Variants in AXDND1 observed in about 807,000 individuals in gnomAD.
AXDND1 encodes the protein axonemal dynein light chain domain containing 1.
AXDND1 carries 110 observed loss-of-function variants against 137.5 expected under a neutral mutation model. The ratio of observed to expected loss-of-function variants is 0.80; its 90% CI spans 0.69 to 0.94. The LOEUF is 0.94. Ranked by LOEUF, AXDND1 falls within the 40% of genes least tolerant of loss-of-function variation. The pLI is 0.00. For missense variants in AXDND1, 1,191 were observed against 1,169.8 expected (o/e 1.02, Z -0.26); for synonymous variants, 414 against 399.7 (o/e 1.04, Z -0.43).
intron 4 of AXDND1, among the ~76,000 whole-genome samples, chr1:179,373,502 A>G (rs1023642649): frequency 1.3e-5 from 2 of 152,236 alleles, no homozygotes; most frequent in African/African-American, 4.8e-5. Flanking sequence ...GAACCAAAAA[A>G]GAGCCCACAG....
In AXDND1 at chr1:179,488,632, CTCCTTTCT is replaced by C. The variant is rs1192986864; in HGVS notation, c.2092-2904_2092-2897del. Among the ~76,000 whole-genome samples the C allele has an allele frequency of 8.7e-4, 55 of 63,162 alleles. 9 individuals are homozygous for C. The highest frequency in any genetic ancestry group is 3.3e-3 in the African/African-American group (54 of 16,482). The allele number at this position is 63,162 out of a possible 152,430, so 41.4% of individuals were successfully genotyped here. A position where few individuals can be genotyped will look rare whatever the true frequency, so the allele number is the denominator to read the frequency against. On this transcript the variant is annotated intron_variant, in intron 18 of 25. Transcript: ENST00000367618. Reference sequence around the variant, plus strand: ...TCTTTCTTTCTTTCTCTCTCTCTCTCTCCTTTCTTTCTTTCTTTCTTTCTTTCTTTCTT... The same window carrying C: ...TCTTTCTTTCTTTCTCTCTCTCTCTCTTCTTTCTTTCTTTCTTTCTTTCTT...
intron 16 of AXDND1, among the ~76,000 whole-genome samples, chr1:179,467,055 C>T (rs72719292): frequency 0.063 from 9,569 of 152,118 alleles, 362 homozygotes; most frequent in African/African-American, 0.071. Context: ...GTCCACCACC[C>T]GACCCCTGAG....
chr1:179,426,114 A>G (rs1349511701), intron 12 of AXDND1, among the ~76,000 whole-genome samples: 1 of 152,038 alleles, frequency 6.6e-6, no homozygotes, highest in Non-Finnish European at 1.5e-5. Flanking sequence ...GGATTATAGG[A>G]CTGAGCCACT....
intron 17 of AXDND1, among the ~76,000 whole-genome samples, chr1:179,474,361 T>C (rs865887834): frequency 6.6e-6 from 1 of 152,136 alleles, no homozygotes; most frequent in Non-Finnish European, 1.5e-5. Flanking sequence ...AACTGGATAA[T>C]GGGCAGAGGT....
intron 21 of AXDND1, among the ~76,000 whole-genome samples, chr1:179,518,385 C>CTTT (rs71114530): frequency 1.1e-4 from 16 of 145,156 alleles, no homozygotes; most frequent in Non-Finnish European, 1.4e-4. Context: ...TTTCCTTTTT[C>CTTT]TTTTTTTTTT....
chr1:179,531,115 C>A (rs1311724821), intron 23 of AXDND1, among the ~76,000 whole-genome samples: 1 of 152,044 alleles, frequency 6.6e-6, no homozygotes, highest in African/African-American at 2.4e-5. Context: ...AAATGGTCCT[C>A]ATGCACTGAG....
At position 179,491,598 on chromosome 1, in the gene AXDND1, C is replaced by A. The variant is rs1330964045; in HGVS notation, c.2152C>A (p.Pro718Thr). 6.2e-7 allele frequency: 1 copy of A among 1,613,346 alleles called. No homozygotes were observed. The highest frequency in any genetic ancestry group is 1.3e-5 in the African/African-American group (1 of 74,990). ...WMVNLLILMI[P>T]NFTDQDCLLK... ...GGTAAACTTGCTGATTTTAATGATA[C>A]CCAACTTTACTGACCAAGACTGTCT... Residue 718 changes from proline to threonine, a missense_variant, in exon 19 of 26, where the codon CCC becomes ACC. Coordinates refer to ENST00000367618, the MANE Select transcript of AXDND1 (RefSeq NM_144696.6).
At chr1:179,375,086 A>C (rs1022652792) in intron 4 of AXDND1, among the ~76,000 whole-genome samples, 1 of 151,380 alleles carries the variant, frequency 6.6e-6, no homozygotes, top group East Asian at 1.9e-4. Context: ...AAATCAAAAT[A>C]TTCTTTATTA....
At chr1:179,455,328 C>T (rs1038381181) in intron 16 of AXDND1, 10 of 146,756 alleles carry the variant, frequency 6.8e-5, no homozygotes, top group Non-Finnish European at 1.5e-4. Flanking sequence ...TGCGGTGGCT[C>T]ACGCCTGTAA....
chr1:179,488,697 T>TTCTTTCTTTCTTTCTC (rs1666469347), intron 18 of AXDND1, among the ~76,000 whole-genome samples: 2 of 136,174 alleles, frequency 1.5e-5, no homozygotes, highest in Non-Finnish European at 3.1e-5. Context: ...CTTTCTTTCT[T>TTCTTTCTTTCTTTCTC]TCCTCTCTCT....
intron 25 of AXDND1, among the ~76,000 whole-genome samples, chr1:179,539,362 G>A (rs758827198): frequency 1.1e-4 from 17 of 152,168 alleles, no homozygotes; most frequent in Non-Finnish European, 7.3e-5. Flanking sequence ...GCTTCCTTCA[G>A]GAGCTCTTGT....
intron 16 of AXDND1, chr1:179,456,489 C>T: frequency 1.3e-6 from 1 of 770,012 alleles, no homozygotes; most frequent in Non-Finnish European, 2.4e-6. Flanking sequence ...ATAGCTGCCA[C>T]TCCCACCATA....
intron 16 of AXDND1, chr1:179,451,185 G>C (rs1163672488): frequency 6.6e-6 from 1 of 152,086 alleles, no homozygotes; most frequent in South Asian, 2.1e-4. Flanking sequence ...TTGAATGCTT[G>C]ATAATATTTA....
At chr1:179,544,751 T>A (rs1672499345) in intron 25 of AXDND1, 3 of 151,992 alleles carry the variant, frequency 2.0e-5, no homozygotes, top group African/African-American at 7.3e-5. Flanking sequence ...TCTGCAGCAT[T>A]TTCGGATTTC....
intron 12 of AXDND1, among the ~76,000 whole-genome samples, chr1:179,414,414 T>A (rs1324995325): frequency 1.3e-5 from 1 of 74,998 alleles, no homozygotes; most frequent in Non-Finnish European, 3.2e-5. Context: ...AATTAATCTT[T>A]ATTTATTTAT....
chr1:179,421,047 TCC>T (rs1655612531), intron 12 of AXDND1, among the ~76,000 whole-genome samples: 1 of 75,256 alleles, frequency 1.3e-5, no homozygotes. Context: ...CTTCCTTCCT[TCC>T]TTCCTTCCTT....
intron 2 of AXDND1, among the ~76,000 whole-genome samples, chr1:179,367,907 C>T (rs1667623796): frequency 6.6e-6 from 1 of 151,976 alleles, no homozygotes; most frequent in Non-Finnish European, 1.5e-5. Flanking sequence ...TATCCTTACC[C>T]GGTTCTGTTA....
At chr1:179,414,909 C>A (rs1057385889) in intron 12 of AXDND1, among the ~76,000 whole-genome samples, 3 of 151,988 alleles carry the variant, frequency 2.0e-5, no homozygotes, top group Non-Finnish European at 4.4e-5. Flanking sequence ...ATTATAAAGT[C>A]AAAGTAACTG....
Position 179,490,112 on chromosome 1 carries a change from G to C in AXDND1, c.2092-1426G>C, listed in dbSNP as rs137938546. 5.4e-4 allele frequency among the ~76,000 whole-genome samples: 82 copies of C among 152,310 alleles called. No homozygotes were observed. In the East Asian group the frequency reaches 0.015, roughly 28 times the overall value. On this transcript the variant is annotated intron_variant, in intron 18 of 25. Coordinates refer to ENST00000367618, the MANE Select transcript of AXDND1 (RefSeq NM_144696.6). ...TTACTAAGAACTTACTCCCTGATAAGTACTGTGTGGTATGCAGGGATAAGT... is the reference window on the plus strand; with the variant it reads ...TTACTAAGAACTTACTCCCTGATAACTACTGTGTGGTATGCAGGGATAAGT...
Sources: allele counts gnomAD v4.1 joint callset (sites outside exome capture counted in the v4.1 genomes callset), GRCh38; gene constraint gnomAD v4.1.1; transcripts MANE v1.5; gene names NCBI Gene and HGNC (gene_info 2026-07-23, HGNC 2026-07-21).